Variants in PCGF5 observed in about 807,000 individuals in gnomAD.
PCGF5 encodes the protein polycomb group RING finger protein 5.
Under a neutral mutation model 44.3 loss-of-function variants are expected in PCGF5, and 9 were observed. The ratio of observed to expected loss-of-function variants is 0.20; its 90% CI spans 0.12 to 0.35. The LOEUF (loss-of-function observed/expected upper bound fraction) is 0.35, where lower values mean the gene tolerates loss of function less well. Ranked by LOEUF, PCGF5 falls within the 10% of genes least tolerant of loss-of-function variation. PCGF5 has a pLI of 1.00. For synonymous variants in PCGF5, 95 were observed against 102.5 expected (o/e 0.93, Z 0.44); for missense variants, 146 against 305.3 (o/e 0.48, Z 3.89).
chr10:91,224,382 T>G (rs1414749888), intron 2 of PCGF5, among the ~76,000 whole-genome samples: 1 of 152,206 alleles, frequency 6.6e-6, no homozygotes, highest in African/African-American at 2.4e-5. Flanking sequence ...CGAACAGACA[T>G]TTATTGAGTA....
intron 1 of PCGF5, among the ~76,000 whole-genome samples, chr10:91,170,814 G>C (rs1183078207): frequency 6.6e-6 from 1 of 152,204 alleles, no homozygotes; most frequent in African/African-American, 2.4e-5. Flanking sequence ...GCACACTGAT[G>C]TTTATAGTAG....
chr10:91,181,627 G>C (rs918257007), intron 1 of PCGF5, among the ~76,000 whole-genome samples: 2 of 152,094 alleles, frequency 1.3e-5, no homozygotes, highest in Admixed American at 6.5e-5. Context: ...TGTGGTTTTT[G>C]TCTTTAGTTT....
At chr10:91,254,760 ATC>A (rs1319752088) in intron 6 of PCGF5, among the ~76,000 whole-genome samples, 1 of 152,146 alleles carries the variant, frequency 6.6e-6, no homozygotes, top group Non-Finnish European at 1.5e-5. Flanking sequence ...TAGAGTAAGT[ATC>A]TCTGAAAATT....
At chr10:91,215,030 T>C (rs181116983) in intron 1 of PCGF5, among the ~76,000 whole-genome samples, 1 of 152,296 alleles carries the variant, frequency 6.6e-6, no homozygotes, top group East Asian at 1.9e-4. Flanking sequence ...GTAAAGGAAA[T>C]GGTGATCTAT....
chr10:91,256,437 G>T (rs927072995), intron 6 of PCGF5, among the ~76,000 whole-genome samples: 3 of 151,980 alleles, frequency 2.0e-5, no homozygotes, highest in African/African-American at 7.2e-5. Context: ...CAGGTCCTCA[G>T]AGAGCTGTAG....
intron 1 of PCGF5, among the ~76,000 whole-genome samples, chr10:91,198,159 G>T (rs922594423): frequency 1.3e-5 from 2 of 152,150 alleles, no homozygotes; most frequent in African/African-American, 4.8e-5. Context: ...GTCATTTTAT[G>T]TAATTATGTT....
intron 7 of PCGF5, 77 bp from the exon 8 acceptor site, chr10:91,264,354 T>C: frequency 8.7e-7 from 1 of 1,155,850 alleles, no homozygotes; most frequent in Non-Finnish European, 1.2e-6. Flanking sequence ...TGAATATTTT[T>C]TGAAATTTCA....
chr10:91,273,015 T>C (rs1846217883), intron 9 of PCGF5, among the ~76,000 whole-genome samples: 1 of 152,222 alleles, frequency 6.6e-6, no homozygotes, highest in Non-Finnish European at 1.5e-5. Flanking sequence ...GCAGTTTATC[T>C]AGAATTTTCT....
At chr10:91,181,414 G>A (rs1010540517) in intron 1 of PCGF5, among the ~76,000 whole-genome samples, 9 of 151,486 alleles carry the variant, frequency 5.9e-5, no homozygotes, top group African/African-American at 2.2e-4. Context: ...TAGCCAGACA[G>A]GGCATCCTTG....
chr10:91,193,615 C>T (rs890546459), intron 1 of PCGF5, among the ~76,000 whole-genome samples: 4 of 152,064 alleles, frequency 2.6e-5, no homozygotes, highest in South Asian at 4.2e-4. Context: ...GCCCTCCACC[C>T]TGGATGGAGG....
rs541009871 is a variant in PCGF5 at position 91,225,332 on chromosome 10, C to T, written c.112+2349C>T. ...ATATAACATATATGTATGTTCTCAA[C>T]AGCAATTTAAAGCCTAAAGGGGTAA... is the stretch of plus-strand genomic sequence containing the variant. On this transcript the variant is annotated intron_variant, in intron 2 of 9. Coordinates refer to ENST00000336126, the MANE Select transcript of PCGF5 (RefSeq NM_032373.5). Among the ~76,000 whole-genome samples, 4 of 149,194 alleles carry T rather than the reference C, an allele frequency of 2.7e-5. No homozygotes were observed. The South Asian group carries it at 8.4e-4, about 31-fold the overall frequency.
intron 1 of PCGF5, among the ~76,000 whole-genome samples, chr10:91,179,978 A>G (rs1188095532): frequency 1.3e-5 from 2 of 151,736 alleles, no homozygotes. Flanking sequence ...AATATATAAC[A>G]TTTCTTTTTT....
At chr10:91,202,814 CTG>C (rs1307314726) in intron 1 of PCGF5, among the ~76,000 whole-genome samples, 1 of 152,140 alleles carries the variant, frequency 6.6e-6, no homozygotes, top group Admixed American at 6.5e-5. Flanking sequence ...TACTATCAAA[CTG>C]TGACTCAACT....
chr10:91,176,539 C>T (rs1227299362), intron 1 of PCGF5, among the ~76,000 whole-genome samples: 2 of 152,234 alleles, frequency 1.3e-5, no homozygotes, highest in African/African-American at 2.4e-5. Context: ...CTATCACTTT[C>T]AGGTACACCA....
chr10:91,277,387 A>G (rs551694680), intron 9 of PCGF5, among the ~76,000 whole-genome samples: 35 of 152,390 alleles, frequency 2.3e-4, no homozygotes, highest in Admixed American at 5.2e-4. Context: ...CCATAAAAGT[A>G]GCTCCTCAAA....
At chr10:91,262,875 G>T (rs544130567) in intron 7 of PCGF5, among the ~76,000 whole-genome samples, 1 of 152,172 alleles carries the variant, frequency 6.6e-6, no homozygotes, top group African/African-American at 2.4e-5. Flanking sequence ...TTTTCTTCAC[G>T]CAAAATACCA....
At position 91,197,272 on chromosome 10, in the gene PCGF5, G is replaced by C. The variant is rs188287201; in HGVS notation, c.-183-25417G>C. 1.4e-3 allele frequency among the ~76,000 whole-genome samples: 213 copies of C among 152,304 alleles called. 1 individual carries two copies. The highest frequency in any genetic ancestry group is 4.7e-3 in the African/African-American group (194 of 41,556). On this transcript the variant is annotated intron_variant, in intron 1 of 9. Transcript: ENST00000614189. The stretch of plus-strand genomic sequence containing the variant: ...GAAATCATCTGAAGGCTCGCGAGCT[G>C]ACTGTCATGTCCTGGGTCTAGTCTG...
chr10:91,261,079 T>C (rs983399913), intron 6 of PCGF5, among the ~76,000 whole-genome samples: 3 of 152,044 alleles, frequency 2.0e-5, no homozygotes, highest in Non-Finnish European at 4.4e-5. Context: ...GGTAAGCAGA[T>C]TGCCTATTTG....
intron 8 of PCGF5, among the ~76,000 whole-genome samples, chr10:91,271,118 T>A (rs1236867077): frequency 1.3e-5 from 2 of 150,848 alleles, no homozygotes; most frequent in East Asian, 3.9e-4. Context: ...ATATATATAA[T>A]CTAATATATA....
Sources: gnomAD v4.1 joint callset for allele counts (sites outside exome capture counted in the v4.1 genomes callset) on GRCh38, gnomAD v4.1.1 for gene constraint, MANE v1.5 for transcripts, NCBI Gene and HGNC (gene_info 2026-07-23, HGNC 2026-07-21) for gene names.